The following PLXDC2 variants were observed in gnomAD, a reference collection of about 807,000 sequenced individuals.
The protein encoded by PLXDC2 is plexin domain containing 2.
A neutral mutation model predicts 68.9 loss-of-function variants in PLXDC2; 40 were observed. That is an observed-to-expected ratio of 0.58 (90% CI 0.45 to 0.76). The LOEUF is 0.76. PLXDC2 is among the 30% of genes least tolerant of loss of function. The probability of loss-of-function intolerance (pLI) is 0.00; values close to 1 mark genes in which losing one functional copy is unlikely to be tolerated. For missense variants in PLXDC2, 644 were observed against 661.9 expected, an observed-to-expected ratio of 0.97 and a Z score of 0.30; for synonymous variants, 243 against 234.2, an observed-to-expected ratio of 1.04 and a Z score of -0.34.
intron 2 of PLXDC2, among the ~76,000 whole-genome samples, chr10:20,045,431 A>G (rs1034059591): frequency 6.6e-6 from 1 of 152,170 alleles, no homozygotes; most frequent in South Asian, 2.1e-4. Context: ...TTGGCTTCCC[A>G]AAGTGCTGGG....
chr10:20,083,463 C>T (rs533385850), intron 4 of PLXDC2, among the ~76,000 whole-genome samples: 3 of 97,122 alleles, frequency 3.1e-5, no homozygotes, highest in Admixed American at 1.2e-4. Flanking sequence ...GGCAACAGAG[C>T]GAGACTCCGT....
chr10:20,223,952 T>C (rs979443669), intron 12 of PLXDC2, among the ~76,000 whole-genome samples: 2 of 150,064 alleles, frequency 1.3e-5, no homozygotes, highest in East Asian at 2.0e-4. Flanking sequence ...CTGTAAGAGG[T>C]ACCTAAAATC....
chr10:19,946,343 A>C (rs752523499), intron 1 of PLXDC2, among the ~76,000 whole-genome samples: 2 of 152,048 alleles, frequency 1.3e-5, no homozygotes, highest in Admixed American at 1.3e-4. Flanking sequence ...CTTCCACTCT[A>C]TCTCTTCACT....
At chr10:19,923,332 A>G (rs1184149446) in intron 1 of PLXDC2, among the ~76,000 whole-genome samples, 1 of 152,238 alleles carries the variant, frequency 6.6e-6, no homozygotes, top group Non-Finnish European at 1.5e-5. Flanking sequence ...GACATAAAGT[A>G]TTGCCTAGTT....
chr10:19,891,537 C>T (rs1837963887), intron 1 of PLXDC2, among the ~76,000 whole-genome samples: 1 of 152,162 alleles, frequency 6.6e-6, no homozygotes, highest in African/African-American at 2.4e-5. Flanking sequence ...CTTAACTCCT[C>T]AAGCACCTAC....
chr10:19,849,568 G>A (rs1220182082), intron 1 of PLXDC2, among the ~76,000 whole-genome samples: 4 of 152,032 alleles, frequency 2.6e-5, no homozygotes, highest in African/African-American at 9.7e-5. Context: ...TTTATAGTGG[G>A]CCTTTCCCCC....
At chr10:19,931,853 T>C (rs557129438) in intron 1 of PLXDC2, among the ~76,000 whole-genome samples, 4 of 152,080 alleles carry the variant, frequency 2.6e-5, no homozygotes, top group Non-Finnish European at 5.9e-5. Context: ...AATCACATGG[T>C]CACATAAAAA....
At chr10:20,189,179 G>A (rs144576254) in intron 9 of PLXDC2, among the ~76,000 whole-genome samples, 1 of 75,122 alleles carries the variant, frequency 1.3e-5, no homozygotes, top group African/African-American at 3.2e-5. Context: ...TTATTTTTGT[G>A]TGGATTAAAT....
intron 1 of PLXDC2, among the ~76,000 whole-genome samples, chr10:19,924,221 T>C (rs1040889338): frequency 1.3e-5 from 2 of 152,178 alleles, no homozygotes; most frequent in African/African-American, 4.8e-5. Flanking sequence ...TGTTTGGCCA[T>C]TGAGTTGCCT....
In PLXDC2 at chr10:20,042,518, A is replaced by G. The variant is rs367764442; in HGVS notation, c.325-4351A>G. On this transcript the variant is annotated intron_variant, in intron 2 of 13. Transcript: ENST00000377252. ...TTAAATAATCTTACTAAGAATTTTC[A>G]TTATGTTTTAAGTATCCATGTATAT... is the stretch of plus-strand genomic sequence containing the variant. Among the ~76,000 whole-genome samples the G allele has an allele frequency of 3.2e-4, 49 of 152,288 alleles. 1 individual carries two copies. The highest frequency in any genetic ancestry group is 3.4e-3 in the Middle Eastern group (1 of 294).
intron 7 of PLXDC2, among the ~76,000 whole-genome samples, chr10:20,175,840 A>G (rs189567976): frequency 7.9e-5 from 12 of 152,168 alleles, no homozygotes; most frequent in Admixed American, 2.0e-4. Context: ...AAAAATAAAA[A>G]CAGTTTATAG....
intron 2 of PLXDC2, among the ~76,000 whole-genome samples, chr10:20,017,090 C>A (rs138591676): frequency 3.3e-5 from 5 of 152,284 alleles, no homozygotes; most frequent in Admixed American, 3.3e-4. Flanking sequence ...AAGAGAGAGG[C>A]AGAGAGAGAT....
intron 1 of PLXDC2, among the ~76,000 whole-genome samples, chr10:19,818,330 C>G (rs1372334342): frequency 6.7e-6 from 1 of 149,486 alleles, no homozygotes; most frequent in African/African-American, 2.5e-5. Context: ...ACTAGAGAGT[C>G]ACAGATGGAA....
chr10:19,886,035 A>G (rs1342504342), intron 1 of PLXDC2, among the ~76,000 whole-genome samples: 1 of 151,954 alleles, frequency 6.6e-6, no homozygotes, highest in Non-Finnish European at 1.5e-5. Flanking sequence ...TTCATTGAGG[A>G]TTGGTTTGTA....
chr10:20,057,438 G>A (rs1003935156), intron 3 of PLXDC2, among the ~76,000 whole-genome samples: 4 of 151,842 alleles, frequency 2.6e-5, no homozygotes, highest in East Asian at 1.9e-4. Context: ...TCATTATAGC[G>A]TATCACTTAG....
At chr10:20,013,499 G>T (rs1470576406) in intron 2 of PLXDC2, among the ~76,000 whole-genome samples, 5 of 151,772 alleles carry the variant, frequency 3.3e-5, no homozygotes, top group African/African-American at 1.2e-4. Context: ...TTGATTCTCG[G>T]TTTTTTTCCT....
intron 3 of PLXDC2, 71 bp downstream of exon 3, chr10:20,047,086 C>A (rs777835039): frequency 1.0e-4 from 143 of 1,417,030 alleles, no homozygotes; most frequent in Non-Finnish European, 1.2e-4. Flanking sequence ...GGCCTACAAC[C>A]ATTTCTTTTA....
rs1293670674 is a variant in PLXDC2, at chr10:20,289,001, T to C, written c.*9182T>C. The stretch of plus-strand genomic sequence containing the variant: ...GGGAGCTATTTGTGTAAGACTGCTG[T>C]CATATTTGACTACATATTAAAAACA... On this transcript the variant is annotated 3_prime_UTR_variant, in exon 14 of 14. Transcript: ENST00000377252. 2 of 152,226 alleles carry C rather than the reference T, an allele frequency of 1.3e-5. No individual in the cohort carries two copies. The highest frequency in any genetic ancestry group is 1.3e-4 in the Admixed American group (2 of 15,282). The allele number at this position is 152,226 out of a possible 1,614,324, so 9.4% of individuals were successfully genotyped here.
At chr10:20,188,389 A>C in intron 9 of PLXDC2, among the ~76,000 whole-genome samples, 1 of 151,726 alleles carries the variant, frequency 6.6e-6, no homozygotes, top group East Asian at 1.9e-4. Context: ...ATTTCACAGC[A>C]TAATATTAAT....
Sources: gnomAD v4.1 joint callset for allele counts (sites outside exome capture counted in the v4.1 genomes callset) on GRCh38, gnomAD v4.1.1 for gene constraint, MANE v1.5 for transcripts, NCBI Gene and HGNC (gene_info 2026-07-23, HGNC 2026-07-21) for gene names.